The following TRAPPC8 variants were observed in gnomAD, a reference collection of about 807,000 sequenced individuals.
The protein encoded by TRAPPC8 is general sporulation gene 1 homolog.
Under a neutral mutation model 174.3 loss-of-function variants are expected in TRAPPC8, and 54 were observed. The observed-to-expected ratio is 0.31, with a 90% CI of 0.25 to 0.39. The LOEUF (loss-of-function observed/expected upper bound fraction) is 0.39. Ranked by LOEUF, TRAPPC8 falls within the 10% of genes least tolerant of loss-of-function variation. The pLI is 1.00. For missense variants in TRAPPC8, 1,531 were observed against 1,699.1 expected (o/e 0.90, Z 1.74); for synonymous variants, 630 against 579.9 (o/e 1.09, Z -1.24).
At chr18:31,890,981 A>G (rs982161469) in intron 11 of TRAPPC8, 115 bp from the exon 12 acceptor site, 2 of 907,094 alleles carry the variant, frequency 2.2e-6, no homozygotes, top group Admixed American at 3.6e-5. Flanking sequence ...GTTTAACTTA[A>G]GAGTATATGA....
At chr18:31,933,316 A>G in intron 1 of TRAPPC8, among the ~76,000 whole-genome samples, 1 of 151,976 alleles carries the variant, frequency 6.6e-6, no homozygotes, top group East Asian at 1.9e-4. Context: ...AAAAAAAAAA[A>G]AAAAGGAGTC....
At chr18:31,834,601 T>A (rs1195728064) in intron 27 of TRAPPC8, among the ~76,000 whole-genome samples, 1 of 152,196 alleles carries the variant, frequency 6.6e-6, no homozygotes, top group Non-Finnish European at 1.5e-5. Flanking sequence ...CTGCAAAGAA[T>A]AATAATTGAT....
chr18:31,920,794 A>G (rs2037351621), intron 2 of TRAPPC8, among the ~76,000 whole-genome samples: 1 of 151,932 alleles, frequency 6.6e-6, no homozygotes, highest in Non-Finnish European at 1.5e-5. Context: ...TGCAAAAATT[A>G]GCTGGGCATC....
At chr18:31,884,837 T>C (rs1374805826) in intron 12 of TRAPPC8, among the ~76,000 whole-genome samples, 1 of 151,746 alleles carries the variant, frequency 6.6e-6, no homozygotes, top group Admixed American at 6.6e-5. Context: ...TGAGACTCCA[T>C]TTCTTAAAAA....
At chr18:31,833,985 G>C (rs1439886857) in intron 27 of TRAPPC8, among the ~76,000 whole-genome samples, 1 of 127,860 alleles carries the variant, frequency 7.8e-6, no homozygotes, top group African/African-American at 3.1e-5. Context: ...CTGGGTGACA[G>C]AGCAAGACTC....
intron 3 of TRAPPC8, 25 bp downstream of exon 3, chr18:31,917,550 TGAG>T (rs1287999952): frequency 1.9e-6 from 3 of 1,574,942 alleles, no homozygotes; most frequent in Non-Finnish European, 2.6e-6. Flanking sequence ...ATATTTGATT[TGAG>T]GAGAACATAA....
intron 19 of TRAPPC8, 86 bp from the exon 20 acceptor site, chr18:31,858,068 T>C (rs1330056137): frequency 8.2e-7 from 1 of 1,223,750 alleles, no homozygotes; most frequent in African/African-American, 1.5e-5. Context: ...CTTTTTTTTT[T>C]TTTTACCAAA....
At chr18:31,938,016 T>C (rs2038178187) in intron 1 of TRAPPC8, among the ~76,000 whole-genome samples, 1 of 152,150 alleles carries the variant, frequency 6.6e-6, no homozygotes, top group Non-Finnish European at 1.5e-5. Flanking sequence ...TTTTAATCCC[T>C]TTAGTAACCT....
At chr18:31,940,035 A>C (rs1055921649) in intron 1 of TRAPPC8, among the ~76,000 whole-genome samples, 1 of 152,252 alleles carries the variant, frequency 6.6e-6, no homozygotes, top group Non-Finnish European at 1.5e-5. Context: ...ACTAGTACAA[A>C]TTGAGATGTT....
At chr18:31,876,568 A>C (rs2145239113) in intron 12 of TRAPPC8, among the ~76,000 whole-genome samples, 1 of 151,402 alleles carries the variant, frequency 6.6e-6, no homozygotes, top group African/African-American at 2.4e-5. Context: ...AGAAAGATCA[A>C]AGTAACTAAT....
intron 27 of TRAPPC8, chr18:31,833,390 A>G (rs1024636149): frequency 5.3e-5 from 8 of 152,024 alleles, no homozygotes; most frequent in African/African-American, 1.7e-4. Context: ...ACCCCAGCAA[A>G]CTGTAAGTAT....
intron 5 of TRAPPC8, among the ~76,000 whole-genome samples, chr18:31,912,160 A>G (rs1232268771): frequency 6.6e-6 from 1 of 152,146 alleles, no homozygotes; most frequent in Non-Finnish European, 1.5e-5. Flanking sequence ...CCTAAAAAGT[A>G]TGAGTTCCTG....
intron 12 of TRAPPC8, among the ~76,000 whole-genome samples, chr18:31,885,188 TATTG>T (rs1388112593): frequency 1.3e-5 from 2 of 152,182 alleles, no homozygotes; most frequent in South Asian, 2.1e-4. Flanking sequence ...AGAAATACTT[TATTG>T]ATTAAGCGAT....
chr18:31,836,669 G>C (rs1239124153), intron 27 of TRAPPC8, among the ~76,000 whole-genome samples: 1 of 151,486 alleles, frequency 6.6e-6, no homozygotes, highest in Non-Finnish European at 1.5e-5. Flanking sequence ...ATCACCTGGA[G>C]AACTTAAGAA....
chr18:31,885,551 C>T (rs1009228682), intron 12 of TRAPPC8, among the ~76,000 whole-genome samples: 1 of 151,882 alleles, frequency 6.6e-6, no homozygotes, highest in Non-Finnish European at 1.5e-5. Context: ...AGGGAAAGTT[C>T]TTGTTTCTAG....
intron 22 of TRAPPC8, among the ~76,000 whole-genome samples, chr18:31,853,375 C>T (rs2033815581): frequency 6.6e-6 from 1 of 152,206 alleles, no homozygotes; most frequent in Admixed American, 6.5e-5. Context: ...TCAGGCAATT[C>T]TCCTGCCTCA....
intron 1 of TRAPPC8, among the ~76,000 whole-genome samples, chr18:31,940,914 G>A (rs952471673): frequency 1.0e-5 from 1 of 98,792 alleles, no homozygotes; most frequent in East Asian, 2.1e-4. Flanking sequence ...AGAACACAAT[G>A]TCTTGAGTCA....
intron 12 of TRAPPC8, among the ~76,000 whole-genome samples, chr18:31,889,547 A>G (rs903811650): frequency 2.0e-5 from 3 of 152,248 alleles, no homozygotes; most frequent in African/African-American, 7.2e-5. Flanking sequence ...CCAGAGATAC[A>G]CAGTGGCGTA....
intron 5 of TRAPPC8, among the ~76,000 whole-genome samples, chr18:31,911,472 G>A (rs1354413477): frequency 1.3e-5 from 2 of 149,074 alleles, no homozygotes; most frequent in Admixed American, 6.7e-5. Flanking sequence ...AAAATTTCTG[G>A]CCGGGTGTGG....
Sources: gnomAD v4.1 joint callset for allele counts (sites outside exome capture counted in the v4.1 genomes callset) on GRCh38, gnomAD v4.1.1 for gene constraint, MANE v1.5 for transcripts, NCBI Gene and HGNC (gene_info 2026-07-23, HGNC 2026-07-21) for gene names.